The following BLTP3A variants were observed in gnomAD, a reference collection of about 807,000 sequenced individuals.
BLTP3A encodes the protein ICBP90 binding protein 1.
the BLTP3A span, among the ~76,000 whole-genome samples, chr6:34,831,374 C>T: frequency 0.15 from 22,138 of 152,092 alleles, 1,959 homozygotes; most frequent in African/African-American, 0.25. Flanking sequence ...GTGATCCACC[C>T]GCCTCGGCCT....
chr6:34,848,334 G>A, the BLTP3A span, among the ~76,000 whole-genome samples: 7 of 151,670 alleles, frequency 4.6e-5, no homozygotes, highest in Admixed American at 2.6e-4. Flanking sequence ...GGCCGGGTGC[G>A]GTCACTCATG....
chr6:34,852,042 G>T, the BLTP3A span, among the ~76,000 whole-genome samples: 2 of 151,256 alleles, frequency 1.3e-5, no homozygotes, highest in South Asian at 4.2e-4. Flanking sequence ...CTGGCCCAGG[G>T]CAGGTCCAGA....
At chr6:34,876,614 A>G in the BLTP3A span, 2 of 152,208 alleles carry the variant, frequency 1.3e-5, no homozygotes, top group African/African-American at 4.8e-5. Context: ...GTTCGATGAC[A>G]TCTTGTTATT....
the BLTP3A span, among the ~76,000 whole-genome samples, chr6:34,864,361 T>C: frequency 1.3e-5 from 2 of 152,132 alleles, no homozygotes; most frequent in African/African-American, 4.8e-5. Flanking sequence ...GGTGGACTTG[T>C]GGGTTTGGGT....
chr6:34,864,575 T>TA, the BLTP3A span, among the ~76,000 whole-genome samples: 3 of 151,592 alleles, frequency 2.0e-5, no homozygotes, highest in African/African-American at 7.3e-5. Flanking sequence ...AGGAGCTTTT[T>TA]ATCTGTTAAT....
the BLTP3A span, chr6:34,867,228 C>G: frequency 6.2e-7 from 1 of 1,609,974 alleles, no homozygotes; most frequent in Non-Finnish European, 8.5e-7. Flanking sequence ...CATGCAGAGT[C>G]TGGTCCAGAA....
the BLTP3A span, among the ~76,000 whole-genome samples, chr6:34,848,315 A>G: frequency 1.4e-4 from 21 of 151,734 alleles, no homozygotes; most frequent in African/African-American, 4.1e-4. Context: ...CAATCAATCA[A>G]TCAATCAGGG....
chr6:34,869,881 T>C, the BLTP3A span, among the ~76,000 whole-genome samples: 1 of 152,112 alleles, frequency 6.6e-6, no homozygotes, highest in South Asian at 2.1e-4. Flanking sequence ...ACTCCTGAAC[T>C]CAAGTGATCC....
chr6:34,858,116 C>G, the BLTP3A span: 1 of 1,608,112 alleles, frequency 6.2e-7, no homozygotes, highest in Non-Finnish European at 8.5e-7. Flanking sequence ...TTCATTTTCT[C>G]TGTGAAGGTG....
the BLTP3A span, among the ~76,000 whole-genome samples, chr6:34,802,810 A>G: frequency 1.3e-5 from 2 of 152,280 alleles, no homozygotes; most frequent in East Asian, 3.9e-4. Context: ...TTTATATTAT[A>G]CTTTGGACAT....
chr6:34,864,718 A>G, the BLTP3A span, among the ~76,000 whole-genome samples: 3 of 152,196 alleles, frequency 2.0e-5, no homozygotes, highest in Non-Finnish European at 4.4e-5. Context: ...CTGTAATCCC[A>G]GCACTTTGGG....
chr6:34,871,068 G>C, the BLTP3A span: 1 of 1,614,074 alleles, frequency 6.2e-7, no homozygotes, highest in African/African-American at 1.3e-5. Context: ...AGATCCCGGT[G>C]GTAGTCCCCA....
the BLTP3A span, chr6:34,872,170 T>C: frequency 1.9e-6 from 2 of 1,068,456 alleles, no homozygotes; most frequent in East Asian, 5.1e-5. Context: ...GGAATCAAGG[T>C]CTTAGAAAAG....
At chr6:34,866,138 G>T in the BLTP3A span, among the ~76,000 whole-genome samples, 1 of 152,190 alleles carries the variant, frequency 6.6e-6, no homozygotes, top group Non-Finnish European at 1.5e-5. Context: ...GAGAAGGCCG[G>T]CACAGTACCT....
the BLTP3A span, chr6:34,834,953 T>C: frequency 4.7e-6 from 7 of 1,495,626 alleles, no homozygotes; most frequent in Non-Finnish European, 5.4e-6. Context: ...GGAATGTTAT[T>C]GGCCCTGGAA....
the BLTP3A span, among the ~76,000 whole-genome samples, chr6:34,854,369 A>T: frequency 6.6e-6 from 1 of 152,014 alleles, no homozygotes; most frequent in Admixed American, 6.5e-5. Flanking sequence ...ATATATACAT[A>T]AATAAAACTA....
chr6:34,818,313 A>G, the BLTP3A span, among the ~76,000 whole-genome samples: 9 of 152,108 alleles, frequency 5.9e-5, no homozygotes, highest in Non-Finnish European at 1.3e-4. Context: ...TACAAAAAAT[A>G]TAAAAATTAG....
At chr6:34,794,511 G>A in the BLTP3A span, among the ~76,000 whole-genome samples, 8 of 152,108 alleles carry the variant, frequency 5.3e-5, no homozygotes, top group Admixed American at 1.3e-4. Flanking sequence ...ATTCATATAC[G>A]CAAACAGGTA....
the BLTP3A span, among the ~76,000 whole-genome samples, chr6:34,846,702 C>A: frequency 6.6e-6 from 1 of 152,132 alleles, no homozygotes; most frequent in Non-Finnish European, 1.5e-5. Flanking sequence ...GAGATCATAT[C>A]ATCTGCAAAC....
Sources: allele counts gnomAD v4.1 joint callset (sites outside exome capture counted in the v4.1 genomes callset), GRCh38; gene constraint gnomAD v4.1.1; transcripts MANE v1.5; gene names NCBI Gene and HGNC (gene_info 2026-07-23, HGNC 2026-07-21).